The following JAG1 variants were observed in gnomAD, a reference collection of about 807,000 sequenced individuals.
JAG1 encodes the protein jagged canonical Notch ligand 1.
A neutral mutation model predicts 148.7 loss-of-function variants in JAG1; 23 were observed. The ratio of observed to expected loss-of-function variants is 0.15; its 90% CI spans 0.11 to 0.22. JAG1 has a LOEUF of 0.22. JAG1 is among the 10% of genes least tolerant of loss of function. The pLI is 1.00. For synonymous variants in JAG1, 572 were observed against 598.3 expected, an observed-to-expected ratio of 0.96 and a Z score of 0.64; for missense variants, 1,054 against 1,611.2, an observed-to-expected ratio of 0.65 and a Z score of 5.92.
In JAG1 at chr20:10,639,104, TA is replaced by T. The variant is rs1197353030; in HGVS notation, c.*393del. The T allele has an allele frequency of 4.1e-6, 1 of 242,942 alleles. No homozygotes were observed. The highest frequency in any genetic ancestry group is 2.2e-5 in the African/African-American group (1 of 45,672). The allele number at this position is 242,942 out of a possible 1,614,324, so 15.0% of individuals were successfully genotyped here. The stretch of plus-strand genomic sequence containing the variant: ...ATACAGAACTACTTGTACGTCATCA[TA>T]AAACCAATATACAAAAACAACTCAA... On this transcript the variant is annotated 3_prime_UTR_variant, in exon 26 of 26. Coordinates refer to ENST00000254958, the MANE Select transcript of JAG1 (RefSeq NM_000214.3).
intron 14 of JAG1, among the ~76,000 whole-genome samples, chr20:10,646,610 C>T (rs1028961665): frequency 4.6e-5 from 7 of 151,716 alleles, no homozygotes; most frequent in South Asian, 2.1e-4. Context: ...GCTGGGAGTT[C>T]GAGACCAGCC....
chr20:10,641,476 T>C lies in JAG1; in HGVS notation c.2900A>G (p.Lys967Arg). 2 of 1,613,746 alleles carry C rather than the reference T, an allele frequency of 1.2e-6. No homozygotes were observed. The highest frequency in any genetic ancestry group is 1.7e-6 in the Non-Finnish European group (2 of 1,179,760). Residue 967 changes from lysine to arginine, a missense_variant, in exon 23 of 26, where the codon AAG becomes AGG. Coordinates refer to ENST00000254958, the MANE Select transcript of JAG1 (RefSeq NM_000214.3). ...NCANITFTFN[K>R]EMMSPGLTTE... ...GTTACATACTGGTGACATCATCTCC[T>C]TGTTAAAGGTAAATGTGATGTTCGC...
At chr20:10,669,033 A>AG (rs1450737423) in intron 2 of JAG1, among the ~76,000 whole-genome samples, 1 of 42,836 alleles carries the variant, frequency 2.3e-5, no homozygotes, top group Non-Finnish European at 4.2e-5. Flanking sequence ...GCAAGAGAAA[A>AG]AAAAATTAGA....
Position 10,639,358 on chromosome 20 carries a change from C to T in JAG1, c.*140G>A. 1 of 824,274 alleles carries T rather than the reference C, an allele frequency of 1.2e-6. No homozygotes were observed. Among genetic ancestry groups the T allele is most frequent in the South Asian group, 1.4e-5 (1 of 74,072 alleles). The allele number at this position is 824,274 out of a possible 1,614,324, so 51.1% of individuals were successfully genotyped here. On this transcript the variant is annotated 3_prime_UTR_variant, in exon 26 of 26. Coordinates refer to ENST00000254958, the MANE Select transcript of JAG1 (RefSeq NM_000214.3). ...AGCCAACCACAGAAACTACCATTGCCAGTGTAAGCCAGCTTGTCAAAACTT... is the reference window on the plus strand; with the variant it reads ...AGCCAACCACAGAAACTACCATTGCTAGTGTAAGCCAGCTTGTCAAAACTT...
chr20:10,639,443 T>A lies in JAG1; in HGVS notation c.*55A>T. On this transcript the variant is annotated 3_prime_UTR_variant, in exon 26 of 26. Coordinates refer to ENST00000254958, the MANE Select transcript of JAG1 (RefSeq NM_000214.3). ...TCAGACTCGAGTATGACACGACAGT[T>A]TAAAGAACTACAAGCCCTCAGACTC... 6.8e-7 allele frequency: 1 copy of A among 1,469,698 alleles called. No individual in the cohort carries two copies. Among genetic ancestry groups the A allele is most frequent in the Non-Finnish European group, 9.5e-7 (1 of 1,048,424 alleles). 91.0% of individuals were successfully genotyped at this position (1,469,698 alleles called of 1,614,324 possible).
intron 4 of JAG1, among the ~76,000 whole-genome samples, chr20:10,657,259 C>T (rs1600188354): frequency 6.6e-6 from 1 of 151,118 alleles, no homozygotes; most frequent in East Asian, 2.0e-4. Flanking sequence ...ACTTGGGAGG[C>T]TGAGGCAGGA....
intron 6 of JAG1, 75 bp downstream of exon 6, chr20:10,652,393 C>T: frequency 2.5e-6 from 4 of 1,602,104 alleles, no homozygotes; most frequent in Non-Finnish European, 2.6e-6. Context: ...AAGCCCCTGC[C>T]AATAAAATTA....
chr20:10,643,380 C>T (rs2067286408), intron 20 of JAG1, among the ~76,000 whole-genome samples: 1 of 152,206 alleles, frequency 6.6e-6, no homozygotes, highest in South Asian at 2.1e-4. Flanking sequence ...CACAGACAAG[C>T]CTCTGGAAGC....
intron 2 of JAG1, among the ~76,000 whole-genome samples, chr20:10,668,109 A>AAAAAC (rs1600193835): frequency 6.6e-6 from 1 of 151,620 alleles, no homozygotes; most frequent in Non-Finnish European, 1.5e-5. Context: ...AAAAAAAAAA[A>AAAAAC]AAAAAAACAG....
In JAG1 at chr20:10,642,371, T is replaced by C. The variant is rs73075343; in HGVS notation, c.2572+117A>G. 0.14 allele frequency: 99,952 copies of C among 697,894 alleles called. 7,780 individuals are homozygous for C. Among genetic ancestry groups the C allele is most frequent in the African/African-American group, 0.2 (11,548 of 56,458 alleles). The allele number at this position is 697,894 out of a possible 1,614,324, so 43.2% of individuals were successfully genotyped here. ...TCTTCACGTTCCCTTTCCCTTGTAG[T>C]CCCACTGTGTGTTCCCTTCCCTGAG... On this transcript the variant is annotated intron_variant, in intron 21 of 25. Transcript: ENST00000254958.
In JAG1 at chr20:10,652,120, G is replaced by A; in HGVS notation, c.1006+11C>T. ...TAGACAAAGGGCTCTCATTCATCTT[G>A]GACCACTTACCAATTTCACAGTTGG... On this transcript the variant is annotated intron_variant, in intron 7 of 25. Transcript: ENST00000254958. 1 of 1,613,584 alleles carries A rather than the reference G, an allele frequency of 6.2e-7. No individual in the cohort carries two copies. Among genetic ancestry groups the A allele is most frequent in the South Asian group, 1.1e-5 (1 of 91,056 alleles).
intron 5 of JAG1, 39 bp from the exon 6 acceptor site, chr20:10,652,637 A>G (rs2067354923): frequency 6.2e-7 from 1 of 1,609,550 alleles, no homozygotes; most frequent in Non-Finnish European, 8.5e-7. Flanking sequence ...AGCCTTTTGA[A>G]CGTTAAGAGA....
chr20:10,666,416 C>A (rs1224869023), intron 2 of JAG1, among the ~76,000 whole-genome samples: 1 of 152,158 alleles, frequency 6.6e-6, no homozygotes, highest in Non-Finnish European at 1.5e-5. Flanking sequence ...ATCCACTATG[C>A]CGAAGTCACA....
chr20:10,640,984 C>A lies in JAG1; in HGVS notation c.3049-51G>T, dbSNP rs1568791585. ...GAGTCAGAGGAATACTCAAAGCAGC[C>A]TTTCTTCAAAATTACTCGACAATCT... On this transcript the variant is annotated intron_variant, in intron 24 of 25. Coordinates refer to ENST00000254958, the MANE Select transcript of JAG1 (RefSeq NM_000214.3). The A allele has an allele frequency of 1.9e-6, 3 of 1,612,738 alleles. No homozygotes were observed. In the African/African-American group the frequency reaches 4.0e-5, roughly 22 times the overall value.
rs2067513128 is a variant in JAG1, at chr20:10,673,464, C to T, written c.67G>A (p.Ala23Thr). The T allele has an allele frequency of 1.0e-5, 15 of 1,436,240 alleles. No homozygotes were observed. Among genetic ancestry groups the T allele is most frequent in the Non-Finnish European group, 1.4e-5 (15 of 1,094,638 alleles). 89.0% of individuals were successfully genotyped at this position (1,436,240 alleles called of 1,614,324 possible). Residue 23 changes from alanine to threonine, a missense_variant, in exon 1 of 26, where the codon GCC (alanine) becomes ACC (threonine). Around this residue, in one of 6 missense-constraint regions of JAG1, gnomAD observed 151 missense variants for 211.1 expected, o/e 0.72. Coordinates refer to ENST00000254958, the MANE Select transcript of JAG1 (RefSeq NM_000214.3). The surrounding 1 kb of genome is among the most constrained non-coding windows in gnomAD (Gnocchi z 4.7). ...AGGGCTCCTACCTTGGCTCGCAGGGCACAGAGCAGGGCGAGCAGGAGGCTT... is the reference window on the plus strand; with the variant it reads ...AGGGCTCCTACCTTGGCTCGCAGGGTACAGAGCAGGGCGAGCAGGAGGCTT... ...PLSLLLALLC[A>T]LRAKVCGASG...
chr20:10,649,370 C>T (rs2067331123), intron 10 of JAG1, 152 bp downstream of exon 10: 6 of 687,198 alleles, frequency 8.7e-6, no homozygotes, highest in Admixed American at 8.5e-5. Context: ...TGTATGTTTT[C>T]ACTGCTGCCC....
In JAG1 at chr20:10,639,432, G is replaced by T; in HGVS notation, c.*66C>A. ...CAGCAACGGCCTCAGACTCGAGTATGACACGACAGTTTAAAGAACTACAAG... is the reference window on the plus strand; with the variant it reads ...CAGCAACGGCCTCAGACTCGAGTATTACACGACAGTTTAAAGAACTACAAG... On this transcript the variant is annotated 3_prime_UTR_variant, in exon 26 of 26. Transcript: ENST00000254958. 7.1e-7 allele frequency: 1 copy of T among 1,398,794 alleles called. No individual in the cohort carries two copies. Among genetic ancestry groups the T allele is most frequent in the Non-Finnish European group, 1.0e-6 (1 of 983,702 alleles). The allele number at this position is 1,398,794 out of a possible 1,614,324, so 86.6% of individuals were successfully genotyped here.
At chr20:10,652,368 G>A in intron 6 of JAG1, 100 bp downstream of exon 6, 8 of 1,595,444 alleles carry the variant, frequency 5.0e-6, no homozygotes, top group Middle Eastern at 1.9e-4. Context: ...AGCATTCAAG[G>A]AGAATTCAGA....
intron 14 of JAG1, 72 bp downstream of exon 14, chr20:10,646,867 G>A: frequency 7.0e-7 from 1 of 1,431,962 alleles, no homozygotes; most frequent in Non-Finnish European, 9.9e-7. Flanking sequence ...ATCCCAGGGT[G>A]GGCCAGGGGC....
Sources: gnomAD v4.1 joint callset for allele counts (sites outside exome capture counted in the v4.1 genomes callset) on GRCh38, gnomAD v4.1.1 for gene constraint, gnomAD v4.1.1 regional missense constraint, Gnocchi (gnomAD v3.1) non-coding constraint, MANE v1.5 for transcripts, NCBI Gene and HGNC (gene_info 2026-07-23, HGNC 2026-07-21) for gene names.